The following TAF1B variants were observed in gnomAD, a reference collection of about 807,000 sequenced individuals.
TAF1B encodes the protein TATA-box binding protein associated factor, RNA polymerase I subunit B, also known as TATA box-binding protein-associated factor RNA polymerase I subunit B.
A neutral mutation model predicts 83.9 loss-of-function variants in TAF1B; 61 were observed. The observed-to-expected ratio is 0.73, with a 90% CI of 0.59 to 0.90. The LOEUF is 0.90. Among genes scored for constraint, TAF1B ranks in the 40% least tolerant of loss-of-function variants. TAF1B has a pLI of 0.00. For missense variants in TAF1B, 625 were observed against 677.0 expected (o/e 0.92, Z 0.85); for synonymous variants, 221 against 224.6 (o/e 0.98, Z 0.14).
chr2:9,846,596 A>G (rs529679347), intron 2 of TAF1B, among the ~76,000 whole-genome samples: 2 of 152,368 alleles, frequency 1.3e-5, no homozygotes, highest in Admixed American at 1.3e-4. Flanking sequence ...TGGACAAAAT[A>G]TATTAAATGA....
chr2:9,852,565 C>T (rs1245671511), intron 4 of TAF1B, among the ~76,000 whole-genome samples: 6 of 152,094 alleles, frequency 3.9e-5, no homozygotes, highest in Non-Finnish European at 5.9e-5. Flanking sequence ...GATCTTCGCT[C>T]ACTGCAACCT....
intron 7 of TAF1B, among the ~76,000 whole-genome samples, chr2:9,881,711 A>G (rs1664513334): frequency 6.6e-6 from 1 of 152,228 alleles, no homozygotes; most frequent in African/African-American, 2.4e-5. Flanking sequence ...CTAGGTATAT[A>G]GTATTCAATA....
In TAF1B at chr2:9,899,953, A is replaced by T. The variant is rs573642904; in HGVS notation, c.808-4906A>T. ...AAGCACGTTTTCTTAGCTGCTTAAT[A>T]TGATGCATGATATGTGTATCTAACA... On this transcript the variant is annotated intron_variant, in intron 8 of 14. Coordinates refer to ENST00000263663, the MANE Select transcript of TAF1B (RefSeq NM_005680.3). 4.3e-4 allele frequency among the ~76,000 whole-genome samples: 65 copies of T among 152,370 alleles called. 1 individual carries two copies. In the East Asian group the frequency reaches 6.4e-3, roughly 15 times the overall value.
At chr2:9,888,358 AT>A (rs1159372977) in intron 8 of TAF1B, among the ~76,000 whole-genome samples, 3 of 152,118 alleles carry the variant, frequency 2.0e-5, no homozygotes, top group Admixed American at 2.0e-4. Context: ...GAGATTTAAA[AT>A]GAGAAAAATC....
chr2:9,921,600 GAGA>G (rs897984111), intron 14 of TAF1B, among the ~76,000 whole-genome samples: 1 of 151,918 alleles, frequency 6.6e-6, no homozygotes. Context: ...TCCACTTGAA[GAGA>G]AGATTTTTTT....
At chr2:9,876,229 G>A (rs1446526211) in intron 7 of TAF1B, among the ~76,000 whole-genome samples, 1 of 152,132 alleles carries the variant, frequency 6.6e-6, no homozygotes, top group Non-Finnish European at 1.5e-5. Context: ...AGAAATTATA[G>A]TACTTACCAC....
chr2:9,852,139 C>G, intron 4 of TAF1B: 1 of 417,690 alleles, frequency 2.4e-6, no homozygotes, highest in Non-Finnish European at 5.0e-6. Flanking sequence ...ACACCAATCA[C>G]TGGACCTTAA....
At chr2:9,921,126 G>T (rs954995466) in intron 14 of TAF1B, among the ~76,000 whole-genome samples, 3 of 152,068 alleles carry the variant, frequency 2.0e-5, no homozygotes, top group African/African-American at 7.2e-5. Context: ...AGGTCTTGCT[G>T]TGTCACCCAA....
At chr2:9,843,722 G>GCCGC (rs1314565809) in intron 1 of TAF1B, 163 bp downstream of exon 1, 8 of 714,154 alleles carry the variant, frequency 1.1e-5, no homozygotes, top group African/African-American at 7.6e-5. Flanking sequence ...GGGCTGGCCG[G>GCCGC]CCGCATGCGC....
intron 5 of TAF1B, among the ~76,000 whole-genome samples, chr2:9,856,266 G>C (rs901062779): frequency 2.0e-5 from 3 of 151,794 alleles, no homozygotes; most frequent in Non-Finnish European, 4.4e-5. Context: ...ATGTTATCCT[G>C]GCGGGCAGTT....
At chr2:9,927,534 T>C (rs1403097051) in intron 14 of TAF1B, among the ~76,000 whole-genome samples, 1 of 152,244 alleles carries the variant, frequency 6.6e-6, no homozygotes, top group Non-Finnish European at 1.5e-5. Context: ...CAGCACCTGT[T>C]GTTTCCTGAC....
chr2:9,925,179 C>G (rs1045940228), intron 14 of TAF1B, among the ~76,000 whole-genome samples: 1 of 152,088 alleles, frequency 6.6e-6, no homozygotes, highest in Admixed American at 6.6e-5. Flanking sequence ...GGGTGGCTCA[C>G]ACCTGTAATC....
intron 8 of TAF1B, among the ~76,000 whole-genome samples, chr2:9,884,342 C>G (rs960641027): frequency 6.6e-6 from 1 of 152,232 alleles, no homozygotes; most frequent in Non-Finnish European, 1.5e-5. Context: ...CTTTCCTTCT[C>G]TTTGCCCACA....
At chr2:9,851,808 T>C (rs572953383) in intron 4 of TAF1B, among the ~76,000 whole-genome samples, 170 bp downstream of exon 4, 5 of 152,232 alleles carry the variant, frequency 3.3e-5, no homozygotes, top group Non-Finnish European at 5.9e-5. Flanking sequence ...TCTGGAAGTG[T>C]GTTCTACAGG....
In TAF1B at chr2:9,908,028, C is replaced by CTTTTTTTTT. The variant is rs57261740; in HGVS notation, c.956-2681_956-2673dup. On this transcript the variant is annotated intron_variant, in intron 9 of 14. Transcript: ENST00000263663. Reference sequence around the variant, plus strand: ...AGCGGAGCAGTTCAAGATCTTAATTCTTTTTTTTTTTTTTTTTTTTTTTTT... The same window carrying CTTTTTTTTT: ...AGCGGAGCAGTTCAAGATCTTAATTCTTTTTTTTTTTTTTTTTTTTTTTTTTTTTTTTTT... Among the ~76,000 whole-genome samples the CTTTTTTTTT allele has an allele frequency of 5.7e-4, 41 of 71,770 alleles. 9 individuals are homozygous for CTTTTTTTTT. Among genetic ancestry groups the CTTTTTTTTT allele is most frequent in the East Asian group, 1.4e-3 (3 of 2,174 alleles). The allele number at this position is 71,770 out of a possible 152,430, so 47.1% of individuals were successfully genotyped here. A position where few individuals can be genotyped will look rare whatever the true frequency, so the allele number is the denominator to read the frequency against.
chr2:9,913,263 C>G lies in TAF1B; in HGVS notation c.1271+14C>G, dbSNP rs932312498. On this transcript the variant is annotated intron_variant, in intron 12 of 14. Transcript: ENST00000263663. ...AGCAAGGGCCAAGTATGTTCTCCTT[C>G]CTGGTTTAGATGCACCTGCCTTACT... 6.2e-7 allele frequency: 1 copy of G among 1,605,130 alleles called. No individual in the cohort carries two copies. The highest frequency in any genetic ancestry group is 1.3e-5 in the African/African-American group (1 of 74,674).
intron 8 of TAF1B, among the ~76,000 whole-genome samples, chr2:9,892,200 C>A (rs1664891430): frequency 6.6e-6 from 1 of 152,170 alleles, no homozygotes; most frequent in African/African-American, 2.4e-5. Flanking sequence ...CAGCATTCAG[C>A]AGTATATAAC....
chr2:9,919,665 A>C lies in TAF1B; in HGVS notation c.1410A>C (p.Lys470Asn), dbSNP rs1169998980. The change falls in exon 14 of 15, where the codon AAA (lysine) becomes AAC (asparagine). Residue 470 changes from lysine (K) to asparagine (N), a missense_variant. Physicochemically the swap from Lys to Asn is moderately conservative, Grantham distance 94. Coordinates refer to ENST00000263663, the MANE Select transcript of TAF1B (RefSeq NM_005680.3). ...AGTCAACAGCAACTGCTGGAAAAAA[A>C]AGCCCTTCAAGTTTTCAGTTCAACT... is the stretch of plus-strand genomic sequence containing the variant. ...LVESTATAGK[K>N]SPSSFQFNWT... 5 of 1,614,106 alleles carry C rather than the reference A, an allele frequency of 3.1e-6. No individual in the cohort carries two copies. The African/African-American group carries it at 5.3e-5, about 17-fold the overall frequency.
chr2:9,903,551 T>G (rs559823273), intron 8 of TAF1B, among the ~76,000 whole-genome samples: 9 of 152,362 alleles, frequency 5.9e-5, no homozygotes, highest in African/African-American at 1.9e-4. Flanking sequence ...TGTTCATAGC[T>G]TTTCTGAACT....
Sources: allele counts gnomAD v4.1 joint callset (sites outside exome capture counted in the v4.1 genomes callset), GRCh38; gene constraint gnomAD v4.1.1; transcripts MANE v1.5; gene names NCBI Gene and HGNC (gene_info 2026-07-23, HGNC 2026-07-21).